The following DNAH6 variants were observed in gnomAD, a reference collection of about 807,000 sequenced individuals.
DNAH6 encodes axonemal beta dynein heavy chain 6.
A neutral mutation model predicts 491.4 loss-of-function variants in DNAH6; 340 were observed. The ratio of observed to expected loss-of-function variants is 0.69; its 90% CI spans 0.63 to 0.76. The LOEUF (loss-of-function observed/expected upper bound fraction) is 0.76, where lower values mean the gene tolerates loss of function less well. Ranked by LOEUF, DNAH6 falls within the 30% of genes least tolerant of loss-of-function variation. The pLI is 0.00. For synonymous variants in DNAH6, 1,603 were observed against 1,686.1 expected (o/e 0.95, Z 1.21); for missense variants, 4,443 against 4,972.2 (o/e 0.89, Z 3.20).
At chr2:84,526,547 C>A (rs2104436514) in intron 3 of DNAH6, among the ~76,000 whole-genome samples, 1 of 152,046 alleles carries the variant, frequency 6.6e-6, no homozygotes, top group East Asian at 1.9e-4. Context: ...TACACCTGGC[C>A]ATCGGGGGGC....
chr2:84,628,798 A>G (rs1198849978), intron 29 of DNAH6, among the ~76,000 whole-genome samples: 1 of 152,214 alleles, frequency 6.6e-6, no homozygotes, highest in African/African-American at 2.4e-5. Context: ...CCCATTTTAA[A>G]AAAAAATACA....
intron 31 of DNAH6, among the ~76,000 whole-genome samples, chr2:84,639,479 C>T (rs999856659): frequency 6.9e-6 from 1 of 145,374 alleles, no homozygotes; most frequent in African/African-American, 2.6e-5. Context: ...AGTGCAATGG[C>T]ACGATCTCGG....
rs187892187 is a variant in DNAH6, at chr2:84,588,884, A to G, written c.2540A>G (p.Asn847Ser). Residue 847 changes from asparagine (N) to serine (S), a missense_variant, in exon 16 of 77, where the codon AAT becomes AGT. Asn to Ser is a conservative substitution (Grantham distance 46). Coordinates refer to ENST00000389394, the MANE Select transcript of DNAH6 (RefSeq NM_001370.2). The stretch of plus-strand genomic sequence containing the variant: ...GACAAAATAAGGCTCATATTGAATA[A>G]TCTGCAATCTGTTCTGGCTGATCTT... The part of the protein sequence containing the change: ...DQDKIRLILN[N>S]LQSVLADLQK... 27 of 1,550,860 alleles carry G rather than the reference A, an allele frequency of 1.7e-5. No homozygotes were observed. The Admixed American group carries it at 5.1e-4, about 29-fold the overall frequency.
chr2:84,782,322 C>G (rs1375003962), intron 65 of DNAH6, among the ~76,000 whole-genome samples: 1 of 152,240 alleles, frequency 6.6e-6, no homozygotes, highest in African/African-American at 2.4e-5. Flanking sequence ...CTCTACCACT[C>G]TGCTGTGAAG....
the DNAH6 span, among the ~76,000 whole-genome samples, chr2:84,490,254 CTCTT>C: frequency 6.6e-6 from 1 of 151,952 alleles, no homozygotes; most frequent in Non-Finnish European, 1.5e-5. Flanking sequence ...TTCTTTCTGA[CTCTT>C]TCTTTTCTTT....
intron 32 of DNAH6, among the ~76,000 whole-genome samples, chr2:84,641,170 C>A (rs539161525): frequency 6.6e-6 from 1 of 152,286 alleles, no homozygotes; most frequent in Admixed American, 6.5e-5. Flanking sequence ...GAATCCCCAA[C>A]TTGTCCAGAG....
chr2:84,590,641 C>T (rs1199541528), intron 16 of DNAH6, among the ~76,000 whole-genome samples: 1 of 152,126 alleles, frequency 6.6e-6, no homozygotes, highest in Non-Finnish European at 1.5e-5. Context: ...CTCAACAACC[C>T]CTGAACCAAT....
rs1348390892 is a variant in DNAH6, at chr2:84,677,088, G to C, written c.6696G>C (p.Met2232Ile). 5 of 1,551,608 alleles carry C rather than the reference G, an allele frequency of 3.2e-6. No homozygotes were observed. The Admixed American group carries it at 9.8e-5, about 30-fold the overall frequency. ...CCCGCTTCATCAGACACTTCAGCATGCTGTGCCTCCCAATGCCCTCAGAGC... is the reference window on the plus strand; with the variant it reads ...CCCGCTTCATCAGACACTTCAGCATCCTGTGCCTCCCAATGCCCTCAGAGC... ...VTPRFIRHFSMLCLPMPSEHS... is the reference protein window; with the variant it reads ...VTPRFIRHFSILCLPMPSEHS... Residue 2232 changes from methionine to isoleucine, a missense_variant, in exon 41 of 77, where the codon ATG becomes ATC. Physicochemically the swap from Met to Ile is conservative, Grantham distance 10. Coordinates refer to ENST00000389394, the MANE Select transcript of DNAH6 (RefSeq NM_001370.2).
At chr2:84,636,752 TG>T (rs201237488) in intron 30 of DNAH6, among the ~76,000 whole-genome samples, 2,121 of 152,110 alleles carry the variant, frequency 0.014, 27 homozygotes, top group Non-Finnish European at 0.021. Flanking sequence ...TGGGGCGTGG[TG>T]GGGTGTGCCT....
At chr2:84,518,679 C>T (rs1304044267) in intron 2 of DNAH6, among the ~76,000 whole-genome samples, 1 of 152,180 alleles carries the variant, frequency 6.6e-6, no homozygotes, top group Admixed American at 6.5e-5. Flanking sequence ...ATGCCATCTA[C>T]TCATGTATAT....
rs369035455 is a variant in DNAH6, at chr2:84,622,363, T to A, written c.4071+812T>A. On this transcript the variant is annotated intron_variant, in intron 26 of 76. Coordinates refer to ENST00000389394, the MANE Select transcript of DNAH6 (RefSeq NM_001370.2). The stretch of plus-strand genomic sequence containing the variant: ...TCTTTTTTAAGAGACAGGATCTCAC[T>A]CTGTTGCCCAGGCTGGAGTGCAGGG... 1.1e-4 allele frequency among the ~76,000 whole-genome samples: 17 copies of A among 152,280 alleles called. No individual in the cohort carries two copies. In the East Asian group the frequency reaches 2.7e-3, roughly 24 times the overall value.
At chr2:84,653,949 T>C in intron 34 of DNAH6, 75 bp downstream of exon 34, 4 of 1,202,462 alleles carry the variant, frequency 3.3e-6, no homozygotes, top group Non-Finnish European at 3.5e-6. Context: ...TTTCTCACAC[T>C]GATGTAGCCT....
chr2:84,528,083 GT>G lies in DNAH6; in HGVS notation c.400-815del, dbSNP rs1280848399. 5.9e-5 allele frequency among the ~76,000 whole-genome samples: 9 copies of G among 152,258 alleles called. No individual in the cohort carries two copies. The East Asian group carries it at 1.7e-3, about 29-fold the overall frequency. Reference sequence around the variant, plus strand: ...AACAGATATGGGTGATGCCACCCAAGTTTTTTGGGGGGTGTGAGTGGCACTG... The same window carrying G: ...AACAGATATGGGTGATGCCACCCAAGTTTTTGGGGGGTGTGAGTGGCACTG... On this transcript the variant is annotated intron_variant, in intron 3 of 76. Coordinates refer to ENST00000389394, the MANE Select transcript of DNAH6 (RefSeq NM_001370.2).
chr2:84,691,410 T>C (rs1408640513), intron 45 of DNAH6, among the ~76,000 whole-genome samples: 1 of 152,234 alleles, frequency 6.6e-6, no homozygotes, highest in Non-Finnish European at 1.5e-5. Flanking sequence ...CCCTCAATTT[T>C]ATGCTCGCCT....
Position 84,699,629 on chromosome 2 carries a change from G to T in DNAH6, c.7713G>T (p.Lys2571Asn). 1.3e-6 allele frequency: 2 copies of T among 1,551,728 alleles called. No homozygotes were observed. The highest frequency in any genetic ancestry group is 1.7e-6 in the Non-Finnish European group (2 of 1,146,980). Reference sequence around the variant, plus strand: ...ACTTTATCAGCAAAGTGCGTCAGAAGCTGCACATTGTTCTCTGCATGAGCC... The same window carrying T: ...ACTTTATCAGCAAAGTGCGTCAGAATCTGCACATTGTTCTCTGCATGAGCC... ...FQYFISKVRQ[K>N]LHIVLCMSPV... The change falls in exon 48 of 77, where the codon AAG becomes AAT. Residue 2571 changes from lysine (K) to asparagine (N), a missense_variant. By Grantham distance (94) the Lys-to-Asn change is moderately conservative. This residue lies in a region of DNAH6 where 2,977 missense variants were observed against 3,296.6 expected (regional missense o/e 0.90). Coordinates refer to ENST00000389394, the MANE Select transcript of DNAH6 (RefSeq NM_001370.2).
At chr2:84,470,780 A>T in the DNAH6 span, among the ~76,000 whole-genome samples, 1 of 152,148 alleles carries the variant, frequency 6.6e-6, no homozygotes, top group East Asian at 1.9e-4. Context: ...ATCACACCCA[A>T]CACCAGGTCA....
intron 4 of DNAH6, among the ~76,000 whole-genome samples, chr2:84,532,033 T>C (rs1268181616): frequency 6.6e-6 from 1 of 152,178 alleles, no homozygotes; most frequent in Non-Finnish European, 1.5e-5. Flanking sequence ...AAAATAATCA[T>C]CTAATAACCC....
chr2:84,658,701 A>G lies in DNAH6; in HGVS notation c.5940+227A>G, dbSNP rs969283395. ...TTTGAATTCTCTTACAGTCTACAAC[A>G]TATTCCCAATACAAGATATTCTCAA... On this transcript the variant is annotated intron_variant, in intron 36 of 76. Transcript: ENST00000389394. Among the ~76,000 whole-genome samples the G allele has an allele frequency of 4.6e-5, 7 of 152,118 alleles. No individual in the cohort carries two copies. In the South Asian group the frequency reaches 6.2e-4, roughly 13 times the overall value.
At chr2:84,637,093 A>G (rs1688956013) in intron 30 of DNAH6, 117 bp from the exon 31 acceptor site, 1 of 786,724 alleles carries the variant, frequency 1.3e-6, no homozygotes, top group Admixed American at 3.0e-5. Context: ...CAACAATGGT[A>G]TTCAGTAGTC....
Sources: allele counts gnomAD v4.1 joint callset (sites outside exome capture counted in the v4.1 genomes callset), GRCh38; gene constraint gnomAD v4.1.1; regional missense constraint gnomAD v4.1.1; transcripts MANE v1.5; gene names NCBI Gene and HGNC (gene_info 2026-07-23, HGNC 2026-07-21).